The following TAF2 variants were observed in gnomAD, a reference collection of about 807,000 sequenced individuals.
The protein encoded by TAF2 is transcription initiation factor TFIID subunit 2.
Under a neutral mutation model 138.5 loss-of-function variants are expected in TAF2, and 61 were observed. The ratio of observed to expected loss-of-function variants is 0.44; its 90% CI spans 0.36 to 0.54. The LOEUF (loss-of-function observed/expected upper bound fraction) is 0.54, where lower values mean the gene tolerates loss of function less well. Ranked by LOEUF, TAF2 falls within the 20% of genes least tolerant of loss-of-function variation. The probability of loss-of-function intolerance (pLI) is 0.00; values close to 1 mark genes in which losing one functional copy is unlikely to be tolerated. For synonymous variants in TAF2, 475 were observed against 469.9 expected (o/e 1.01, Z -0.14); for missense variants, 1,090 against 1,427.9 (o/e 0.76, Z 3.81).
intron 23 of TAF2, 42 bp downstream of exon 23, chr8:119,746,663 A>G: frequency 6.3e-7 from 1 of 1,584,430 alleles, no homozygotes; most frequent in East Asian, 2.2e-5. Context: ...TAGATCCTCT[A>G]TATAATGAAA....
chr8:119,760,978 T>C (rs1283002510), intron 19 of TAF2, among the ~76,000 whole-genome samples: 1 of 152,196 alleles, frequency 6.6e-6, no homozygotes, highest in Non-Finnish European at 1.5e-5. Flanking sequence ...AAAAATATTT[T>C]TAATATGTTT....
chr8:119,763,949 G>C, intron 18 of TAF2, among the ~76,000 whole-genome samples: 1 of 151,956 alleles, frequency 6.6e-6, no homozygotes, highest in East Asian at 1.9e-4. Flanking sequence ...AGGAGTTTGA[G>C]ACCACCCTGA....
In TAF2 at chr8:119,826,394, C is replaced by A. The variant is rs957105971; in HGVS notation, c.138+5283G>T. ...GCCTTCTGCCATGATTGTGAGGTTT[C>A]CCCAGCCACATGGAACTGTGAGTTC... On this transcript the variant is annotated intron_variant, in intron 2 of 25. Transcript: ENST00000378164. 3.9e-5 allele frequency among the ~76,000 whole-genome samples: 6 copies of A among 152,084 alleles called. No individual in the cohort carries two copies. In the East Asian group the frequency reaches 1.2e-3, roughly 29 times the overall value.
At chr8:119,777,571 T>C (rs1478856698) in intron 18 of TAF2, among the ~76,000 whole-genome samples, 1 of 147,706 alleles carries the variant, frequency 6.8e-6, no homozygotes, top group African/African-American at 2.7e-5. Flanking sequence ...TGCTATTTGC[T>C]AAATAAATGA....
intron 6 of TAF2, among the ~76,000 whole-genome samples, chr8:119,798,495 GAAC>G (rs1327696553): frequency 6.6e-6 from 1 of 152,126 alleles, no homozygotes; most frequent in African/African-American, 2.4e-5. Context: ...TCACTGACTA[GAAC>G]AACCGTGTAA....
chr8:119,763,933 G>A (rs1262204890), intron 18 of TAF2, among the ~76,000 whole-genome samples: 1 of 151,578 alleles, frequency 6.6e-6, no homozygotes, highest in African/African-American at 2.4e-5. Context: ...GGCAGATCAT[G>A]AGGTCAGGAG....
At chr8:119,753,921 G>A (rs1820524634) in intron 22 of TAF2, among the ~76,000 whole-genome samples, 1 of 152,108 alleles carries the variant, frequency 6.6e-6, no homozygotes, top group Admixed American at 6.5e-5. Flanking sequence ...ATAAGTTCCT[G>A]AACTTAAGTG....
chr8:119,827,993 T>G (rs1356122776), intron 2 of TAF2, among the ~76,000 whole-genome samples: 1 of 152,122 alleles, frequency 6.6e-6, no homozygotes, highest in Non-Finnish European at 1.5e-5. Context: ...TCTGCCCACC[T>G]CGGCCTCCCA....
chr8:119,738,397 T>C (rs893138014), intron 25 of TAF2, among the ~76,000 whole-genome samples: 1 of 152,184 alleles, frequency 6.6e-6, no homozygotes, highest in Non-Finnish European at 1.5e-5. Flanking sequence ...ACATATCCTT[T>C]CAGGGATTTA....
intron 18 of TAF2, among the ~76,000 whole-genome samples, chr8:119,769,742 G>T (rs1308848055): frequency 2.0e-5 from 3 of 150,520 alleles, no homozygotes; most frequent in Admixed American, 6.6e-5. Context: ...CTGGTCTTTC[G>T]AATTAACCCA....
chr8:119,800,893 G>A (rs1448041745), intron 6 of TAF2, among the ~76,000 whole-genome samples: 1 of 152,042 alleles, frequency 6.6e-6, no homozygotes, highest in African/African-American at 2.4e-5. Flanking sequence ...AATTGAAGAC[G>A]AAAAAAGAGA....
intron 16 of TAF2, among the ~76,000 whole-genome samples, chr8:119,783,113 T>G (rs547565256): frequency 1.3e-5 from 2 of 152,308 alleles, no homozygotes; most frequent in South Asian, 4.1e-4. Flanking sequence ...AAAATGTGGT[T>G]GGCAATTCAA....
At chr8:119,823,015 TCCTTTAGCAC>T (rs1277472444) in intron 2 of TAF2, among the ~76,000 whole-genome samples, 1 of 152,154 alleles carries the variant, frequency 6.6e-6, no homozygotes, top group Non-Finnish European at 1.5e-5. Flanking sequence ...TATCCAATGG[TCCTTTAGCAC>T]CCACTCCCCA....
chr8:119,812,961 T>C (rs951622608), intron 3 of TAF2, among the ~76,000 whole-genome samples: 6 of 152,218 alleles, frequency 3.9e-5, no homozygotes, highest in African/African-American at 1.2e-4. Context: ...TTTTAATAGA[T>C]AGCCAGTAGT....
intron 10 of TAF2, chr8:119,792,017 A>G (rs1352541362): frequency 6.5e-6 from 1 of 152,684 alleles, no homozygotes; most frequent in Admixed American, 6.5e-5. Flanking sequence ...AGTCTAGAAA[A>G]TATTTACGAC....
intron 2 of TAF2, among the ~76,000 whole-genome samples, chr8:119,820,669 T>A (rs990006759): frequency 3.3e-5 from 5 of 152,202 alleles, no homozygotes; most frequent in Admixed American, 3.3e-4. Flanking sequence ...ACAAGGGTTT[T>A]AAATGATATG....
chr8:119,789,829 A>T, intron 11 of TAF2, 83 bp from the exon 12 acceptor site: 1 of 1,304,264 alleles, frequency 7.7e-7, no homozygotes, highest in African/African-American at 1.5e-5. Flanking sequence ...TTATAACTTT[A>T]TTGTAGTCAA....
At chr8:119,757,932 A>G (rs1820809769) in intron 21 of TAF2, 141 bp downstream of exon 21, 11 of 767,374 alleles carry the variant, frequency 1.4e-5, no homozygotes, top group South Asian at 1.4e-4. Context: ...TGAAAATCAA[A>G]TTTAAAAAGG....
intron 16 of TAF2, 132 bp from the exon 17 acceptor site, chr8:119,781,325 T>A: frequency 9.3e-7 from 1 of 1,073,000 alleles, no homozygotes. Context: ...CAGAAATTTA[T>A]AACAATTTAG....
Sources: allele counts gnomAD v4.1 joint callset (sites outside exome capture counted in the v4.1 genomes callset), GRCh38; gene constraint gnomAD v4.1.1; transcripts MANE v1.5; gene names NCBI Gene and HGNC (gene_info 2026-07-23, HGNC 2026-07-21).